DEPDC5: variants seen among roughly 807,000 people sequenced by gnomAD.
The protein encoded by DEPDC5 is GATOR1 complex protein DEPDC5.
Under a neutral mutation model 217.3 loss-of-function variants are expected in DEPDC5, and 73 were observed. That is an observed-to-expected ratio of 0.34 (90% CI 0.28 to 0.41). DEPDC5 has a LOEUF of 0.41. Among genes scored for constraint, DEPDC5 ranks in the 10% least tolerant of loss-of-function variants. DEPDC5 has a pLI of 1.00. For synonymous variants in DEPDC5, 733 were observed against 756.7 expected (o/e 0.97, Z 0.51); for missense variants, 1,675 against 2,070.1 (o/e 0.81, Z 3.70).
intron 25 of DEPDC5, among the ~76,000 whole-genome samples, chr22:31,834,725 T>C (rs996694605): frequency 7.2e-5 from 11 of 151,964 alleles, no homozygotes; most frequent in Non-Finnish European, 1.3e-4. Flanking sequence ...CCATGTTGGT[T>C]AGGCTGGTCT....
At chr22:31,835,579 G>A (rs2090934220) in intron 25 of DEPDC5, among the ~76,000 whole-genome samples, 1 of 152,194 alleles carries the variant, frequency 6.6e-6, no homozygotes, top group South Asian at 2.1e-4. Context: ...TGATGGCCAG[G>A]ATGATCTAAG....
At chr22:31,829,925 A>G (rs1398987983) in intron 24 of DEPDC5, among the ~76,000 whole-genome samples, 2 of 152,220 alleles carry the variant, frequency 1.3e-5, no homozygotes, top group Admixed American at 1.3e-4. Context: ...GAAAAAGAAA[A>G]TAAGTGGATG....
At chr22:31,905,730 TG>T (rs979325817) in intron 41 of DEPDC5, among the ~76,000 whole-genome samples, 1 of 151,908 alleles carries the variant, frequency 6.6e-6, no homozygotes, top group Non-Finnish European at 1.5e-5. Context: ...ATGGTGGTAG[TG>T]ACATGGTGGA....
chr22:31,819,271 C>A, intron 22 of DEPDC5, 46 bp downstream of exon 22: 1 of 1,585,980 alleles, frequency 6.3e-7, no homozygotes, highest in Non-Finnish European at 8.6e-7. Flanking sequence ...GAGCTCCTAG[C>A]CCTGGTCCTC....
At chr22:31,828,452 CAAA>C (rs35489633) in intron 24 of DEPDC5, among the ~76,000 whole-genome samples, 2 of 73,194 alleles carry the variant, frequency 2.7e-5, no homozygotes, top group African/African-American at 5.6e-5. Context: ...AACTCCGTCT[CAAA>C]AAAAAAAAAA....
Position 31,864,501 on chromosome 22 carries a change from AATAT to A in DEPDC5, c.3330+3089_3330+3092del, listed in dbSNP as rs34148134. ...CCTTCTGAACCTGTTTCTTCATTAA[AATAT>A]ATATATATATATATATATATTTATA... On this transcript the variant is annotated intron_variant, in intron 33 of 42. Coordinates refer to ENST00000651528, the MANE Select transcript of DEPDC5 (RefSeq NM_001242896.3). 8.6e-3 allele frequency among the ~76,000 whole-genome samples: 1,059 copies of A among 123,148 alleles called. 52 individuals carry two copies. The highest frequency in any genetic ancestry group is 0.03 in the African/African-American group (965 of 32,264). 80.8% of individuals were successfully genotyped at this position (123,148 alleles called of 152,430 possible).
chr22:31,840,377 AAAG>A (rs1232995910), intron 27 of DEPDC5, among the ~76,000 whole-genome samples: 2 of 152,226 alleles, frequency 1.3e-5, no homozygotes, highest in East Asian at 3.8e-4. Flanking sequence ...TGGACACCAA[AAAG>A]AAGGCTGATA....
At chr22:31,858,511 T>C (rs186308379) in intron 32 of DEPDC5, 1 of 152,336 alleles carries the variant, frequency 6.6e-6, no homozygotes, top group Non-Finnish European at 1.5e-5. Context: ...TCAATACATA[T>C]ATGTTATTTT....
intron 15 of DEPDC5, 130 bp downstream of exon 15, chr22:31,802,968 G>T: frequency 8.0e-7 from 1 of 1,245,094 alleles, no homozygotes. Context: ...CAACGTCTGT[G>T]GATGTCAATA....
intron 10 of DEPDC5, among the ~76,000 whole-genome samples, chr22:31,790,025 T>C (rs1036217377): frequency 1.3e-5 from 2 of 152,184 alleles, no homozygotes; most frequent in Non-Finnish European, 2.9e-5. Flanking sequence ...TCCATGCCCA[T>C]ATCAGCCCAT....
At position 31,817,441 on chromosome 22, in the gene DEPDC5, T is replaced by TTTATATATGCATACC. The variant is rs376861238; in HGVS notation, c.1667-1580_1667-1566dup. 3.8e-3 allele frequency: 1,810 copies of TTTATATATGCATACC among 480,522 alleles called. 20 individuals are homozygous for TTTATATATGCATACC. Among genetic ancestry groups the TTTATATATGCATACC allele is most frequent in the African/African-American group, 0.028 (1,405 of 49,672 alleles). 29.8% of individuals were successfully genotyped at this position (480,522 alleles called of 1,614,324 possible). On this transcript the variant is annotated intron_variant, in intron 21 of 42. Coordinates refer to ENST00000651528, the MANE Select transcript of DEPDC5 (RefSeq NM_001242896.3). ...ACATCTTTCATATACTTGGTGGCTT[T>TTTATATATGCATACC]TTATATATGCATACCCTTGATGGCC...
chr22:31,799,839 TAC>T (rs2086679994), intron 14 of DEPDC5, among the ~76,000 whole-genome samples: 1 of 131,736 alleles, frequency 7.6e-6, no homozygotes, highest in African/African-American at 3.0e-5. Flanking sequence ...GACAGAGTCT[TAC>T]TCTGTCGCTA....
intron 36 of DEPDC5, 121 bp from the exon 37 acceptor site, chr22:31,876,036 G>A: frequency 1.4e-6 from 1 of 694,778 alleles, no homozygotes; most frequent in Admixed American, 2.3e-5. Context: ...GTCTAATCTG[G>A]GGGTGGAGGG....
rs1252111760 is a variant in DEPDC5 at position 31,809,462 on chromosome 22, A to G, written c.1288-149A>G. ...ACAAGATGTGATACGGGAATAAAGG[A>G]CCGTGGTAGGTAGGTGTCAGATGTT... On this transcript the variant is annotated intron_variant, in intron 18 of 42. Transcript: ENST00000651528. 3.0e-5 allele frequency: 22 copies of G among 734,520 alleles called. No individual in the cohort carries two copies. The East Asian group carries it at 6.1e-4, about 20-fold the overall frequency. 45.5% of individuals were successfully genotyped at this position (734,520 alleles called of 1,614,324 possible). A position where few individuals can be genotyped will look rare whatever the true frequency, so the allele number is the denominator to read the frequency against.
chr22:31,771,618 G>A (rs1475283865), intron 7 of DEPDC5, among the ~76,000 whole-genome samples: 1 of 151,738 alleles, frequency 6.6e-6, no homozygotes, highest in Non-Finnish European at 1.5e-5. Flanking sequence ...TACTCGGGAG[G>A]CTGAGGCAGG....
chr22:31,821,708 C>T (rs2089715672), intron 23 of DEPDC5, 71 bp downstream of exon 23: 1 of 1,568,192 alleles, frequency 6.4e-7, no homozygotes, highest in African/African-American at 1.3e-5. Flanking sequence ...ATGTGCAGAA[C>T]AGACTATTGA....
intron 7 of DEPDC5, among the ~76,000 whole-genome samples, chr22:31,772,216 G>A (rs901327215): frequency 6.6e-6 from 1 of 152,176 alleles, no homozygotes; most frequent in African/African-American, 2.4e-5. Context: ...GCAACAGAGT[G>A]AGATCCCATC....
intron 32 of DEPDC5, among the ~76,000 whole-genome samples, chr22:31,860,022 G>A (rs911608881): frequency 6.6e-6 from 1 of 152,188 alleles, no homozygotes; most frequent in African/African-American, 2.4e-5. Flanking sequence ...AAACAGTGCT[G>A]AGGACATGAC....
At chr22:31,844,645 A>T (rs1243307312) in intron 29 of DEPDC5, 1 of 218,932 alleles carries the variant, frequency 4.6e-6, no homozygotes, top group Non-Finnish European at 8.8e-6. Context: ...GTGCAGAAGC[A>T]TTCTGATATC....
Sources: allele counts gnomAD v4.1 joint callset (sites outside exome capture counted in the v4.1 genomes callset), GRCh38; gene constraint gnomAD v4.1.1; transcripts MANE v1.5; gene names NCBI Gene and HGNC (gene_info 2026-07-23, HGNC 2026-07-21).